The following CCDC141 variants were observed in gnomAD, a reference collection of about 807,000 sequenced individuals.
CCDC141 encodes coiled-coil domain containing 141, also known as coiled-coil domain-containing protein 141.
Under a neutral mutation model 181.0 loss-of-function variants are expected in CCDC141, and 168 were observed. That is an observed-to-expected ratio of 0.93 (90% CI 0.82 to 1.05). The LOEUF (loss-of-function observed/expected upper bound fraction) is 1.05, where lower values mean the gene tolerates loss of function less well. Ranked by LOEUF, CCDC141 falls within the 50% of genes least tolerant of loss-of-function variation. CCDC141 has a pLI of 0.00. For missense variants in CCDC141, 1,902 were observed against 1,788.5 expected (o/e 1.06, Z -1.14); for synonymous variants, 666 against 642.3 (o/e 1.04, Z -0.56).
rs901655009 is a variant in CCDC141, at chr2:178,942,092, C to T, written c.897+2443G>A. On this transcript the variant is annotated intron_variant, in intron 6 of 23. Coordinates refer to ENST00000443758, the MANE Select transcript of CCDC141 (RefSeq NM_173648.4). ...CAAAAACAGTTTGGCTTGAAAACTA[C>T]TTGAGTACATGGGGCAATACTCAGC... is the stretch of plus-strand genomic sequence containing the variant. Among the ~76,000 whole-genome samples, 4 of 147,766 alleles carry T rather than the reference C, an allele frequency of 2.7e-5. No homozygotes were observed. The East Asian group carries it at 6.7e-4, about 25-fold the overall frequency.
At chr2:178,823,162 T>C in the CCDC141 span, among the ~76,000 whole-genome samples, 1 of 126,518 alleles carries the variant, frequency 7.9e-6, no homozygotes, top group African/African-American at 3.0e-5. Context: ...GGTGGTTAAA[T>C]ATTAACCACC....
intron 2 of CCDC141, among the ~76,000 whole-genome samples, chr2:178,981,187 C>A (rs1464341005): frequency 1.3e-5 from 2 of 152,068 alleles, no homozygotes; most frequent in Admixed American, 6.6e-5. Context: ...ATCATTATAT[C>A]CAGCAGGCCG....
chr2:178,864,567 T>C (rs961095118), intron 17 of CCDC141, among the ~76,000 whole-genome samples: 6 of 152,162 alleles, frequency 3.9e-5, no homozygotes, highest in South Asian at 4.1e-4. Flanking sequence ...TGAACATCAT[T>C]ATCAGATGTC....
At chr2:178,827,549 T>C (rs1667242049), downstream of CCDC141, among the ~76,000 whole-genome samples, 1 of 152,192 alleles carries the variant, frequency 6.6e-6, no homozygotes, top group Non-Finnish European at 1.5e-5. Flanking sequence ...CCTCTAGAAC[T>C]CTTTGCACCA....
chr2:178,946,803 C>G (rs1689750918), intron 5 of CCDC141, among the ~76,000 whole-genome samples: 1 of 152,172 alleles, frequency 6.6e-6, no homozygotes, highest in Non-Finnish European at 1.5e-5. Flanking sequence ...AGATACTATT[C>G]CTGTAAAACA....
At chr2:178,904,958 G>C (rs1453333149) in intron 8 of CCDC141, among the ~76,000 whole-genome samples, 1 of 152,170 alleles carries the variant, frequency 6.6e-6, no homozygotes, top group East Asian at 1.9e-4. Context: ...AAAAAGACAG[G>C]ACAGGATAGA....
chr2:178,837,514 T>C lies in CCDC141; in HGVS notation c.3705A>G (p.Glu1235=). ...SPLAPSDMEV[E]EPVSSSLSLH... ...GGCTGAGGGAGGAGCTGACAGGCTC[T>C]TCCACCTCCATGTCAGATGGTGCAA... Residue 1235 remains glutamate, a synonymous_variant, in exon 23 of 24, where the codon GAA becomes GAG. Transcript: ENST00000443758. 6.2e-7 allele frequency: 1 copy of C among 1,614,050 alleles called. No homozygotes were observed. The highest frequency in any genetic ancestry group is 8.5e-7 in the Non-Finnish European group (1 of 1,179,962).
At chr2:179,022,186 C>G (rs545613397) in intron 2 of CCDC141, among the ~76,000 whole-genome samples, 1 of 152,112 alleles carries the variant, frequency 6.6e-6, no homozygotes, top group East Asian at 1.9e-4. Context: ...ATTTCACTAC[C>G]TTTTTTGCAG....
chr2:178,870,599 T>C (rs1686075185), intron 14 of CCDC141, among the ~76,000 whole-genome samples: 1 of 152,162 alleles, frequency 6.6e-6, no homozygotes, highest in African/African-American at 2.4e-5. Context: ...TGGATTACAA[T>C]GGTGGGTGTG....
intron 11 of CCDC141, 149 bp downstream of exon 11, chr2:178,884,752 T>G: frequency 1.0e-5 from 5 of 501,902 alleles, no homozygotes; most frequent in Non-Finnish European, 1.7e-5. Flanking sequence ...CACTCTTTGG[T>G]TTACAAGAAT....
At chr2:179,016,131 T>C (rs1042463760) in intron 2 of CCDC141, among the ~76,000 whole-genome samples, 3 of 149,282 alleles carry the variant, frequency 2.0e-5, no homozygotes, top group African/African-American at 7.4e-5. Flanking sequence ...CACTGATACA[T>C]GGGAGCTAAG....
chr2:179,033,216 A>G (rs1381530049), intron 2 of CCDC141, among the ~76,000 whole-genome samples: 4 of 151,062 alleles, frequency 2.6e-5, no homozygotes, highest in Non-Finnish European at 5.9e-5. Context: ...TAAACCATGT[A>G]TAAAAATATT....
intron 2 of CCDC141, among the ~76,000 whole-genome samples, chr2:179,035,074 T>C (rs951239792): frequency 8.5e-5 from 13 of 152,156 alleles, no homozygotes; most frequent in Non-Finnish European, 1.5e-4. Context: ...TTTTCCACAA[T>C]ATACCCATAA....
chr2:178,825,870 G>GT (rs1278259607), downstream of CCDC141, among the ~76,000 whole-genome samples: 1 of 152,068 alleles, frequency 6.6e-6, no homozygotes, highest in African/African-American at 2.4e-5. Context: ...AGTTCCAAGA[G>GT]TTTTTTGTAG....
chr2:178,834,079 G>C lies in CCDC141; in HGVS notation c.*94C>G. 1 of 1,245,860 alleles carries C rather than the reference G, an allele frequency of 8.0e-7. No individual in the cohort carries two copies. The allele number at this position is 1,245,860 out of a possible 1,614,324, so 77.2% of individuals were successfully genotyped here. ...TGGTGATCAGACTGGAGATACACTT[G>C]GTGGGAGATGCTTTGCAGGAGGTGC... On this transcript the variant is annotated 3_prime_UTR_variant, in exon 24 of 24. Transcript: ENST00000443758.
intron 11 of CCDC141, among the ~76,000 whole-genome samples, chr2:178,881,462 G>A (rs1348669716): frequency 6.6e-6 from 1 of 152,178 alleles, no homozygotes; most frequent in African/African-American, 2.4e-5. Flanking sequence ...GGAGGTGAGA[G>A]TGGGTAACTG....
chr2:178,945,200 C>T (rs1689679661), intron 5 of CCDC141, among the ~76,000 whole-genome samples: 1 of 152,136 alleles, frequency 6.6e-6, no homozygotes, highest in African/African-American at 2.4e-5. Context: ...AGTGCTGAAA[C>T]TACAAATAGC....
At chr2:178,927,660 T>C (rs1181536103) in intron 6 of CCDC141, among the ~76,000 whole-genome samples, 1 of 152,068 alleles carries the variant, frequency 6.6e-6, no homozygotes, top group Admixed American at 6.5e-5. Context: ...TCAAACAAGC[T>C]GTGGGAGTTA....
intron 5 of CCDC141, among the ~76,000 whole-genome samples, chr2:178,959,154 A>T: frequency 6.6e-6 from 1 of 151,354 alleles, no homozygotes; most frequent in African/African-American, 2.4e-5. Context: ...GGGGTGGGGG[A>T]AGGGGGGAGG....
Sources: gnomAD v4.1 joint callset for allele counts (sites outside exome capture counted in the v4.1 genomes callset) on GRCh38, gnomAD v4.1.1 for gene constraint, MANE v1.5 for transcripts, NCBI Gene and HGNC (gene_info 2026-07-23, HGNC 2026-07-21) for gene names.